Variants in KIAA1217 observed in about 807,000 individuals in gnomAD.
The protein encoded by KIAA1217 is sickle tail protein homolog.
In KIAA1217, 88 loss-of-function variants were observed where a neutral mutation model predicts 163.9. The observed-to-expected ratio is 0.54, with a 90% CI of 0.45 to 0.64. The LOEUF is 0.64. Among genes scored for constraint, KIAA1217 ranks in the 30% least tolerant of loss-of-function variants. The probability of loss-of-function intolerance (pLI) is 0.00; values close to 1 mark genes in which losing one functional copy is unlikely to be tolerated. For synonymous variants in KIAA1217, 903 were observed against 923.1 expected (o/e 0.98, Z 0.39); for missense variants, 2,372 against 2,475.0 (o/e 0.96, Z 0.88).
upstream of KIAA1217, among the ~76,000 whole-genome samples, chr10:24,204,168 G>C (rs2067420439): frequency 6.6e-6 from 1 of 152,156 alleles, no homozygotes; most frequent in Admixed American, 6.5e-5. Context: ...ATTTCATAGG[G>C]AGATTTGAGT....
At chr10:23,973,560 A>T (rs1845410719) in intron 1 of KIAA1217, among the ~76,000 whole-genome samples, 1 of 152,252 alleles carries the variant, frequency 6.6e-6, no homozygotes, top group Non-Finnish European at 1.5e-5. Context: ...ATCATACATT[A>T]GAGAACAAAT....
At chr10:23,984,813 C>T (rs758283494) in intron 1 of KIAA1217, among the ~76,000 whole-genome samples, 7 of 151,530 alleles carry the variant, frequency 4.6e-5, no homozygotes, top group South Asian at 2.1e-4. Flanking sequence ...CTAATGCATG[C>T]GGGGCTTAAA....
intron 2 of KIAA1217, among the ~76,000 whole-genome samples, chr10:24,152,349 G>T (rs754066890): frequency 6.6e-6 from 1 of 152,104 alleles, no homozygotes; most frequent in Non-Finnish European, 1.5e-5. Flanking sequence ...CAGAATGAGC[G>T]CCTGTTTTAT....
chr10:23,905,717 A>G (rs1842134759), intron 1 of KIAA1217, among the ~76,000 whole-genome samples: 1 of 152,104 alleles, frequency 6.6e-6, no homozygotes, highest in Non-Finnish European at 1.5e-5. Context: ...GTTGAGGACT[A>G]TATCATTCAC....
At chr10:24,248,078 T>G (rs2074029122) in intron 2 of KIAA1217, among the ~76,000 whole-genome samples, 1 of 152,194 alleles carries the variant, frequency 6.6e-6, no homozygotes, top group African/African-American at 2.4e-5. Context: ...TGTGCTTTGA[T>G]GTGGTTGTCC....
chr10:24,434,305 C>G (rs2059852196), intron 4 of KIAA1217, among the ~76,000 whole-genome samples: 2 of 152,018 alleles, frequency 1.3e-5, no homozygotes, highest in African/African-American at 2.4e-5. Flanking sequence ...TCCCAAAGTG[C>G]TAGGATTACA....
intron 2 of KIAA1217, among the ~76,000 whole-genome samples, chr10:24,018,114 C>T (rs1242490391): frequency 6.6e-6 from 1 of 151,898 alleles, no homozygotes; most frequent in Non-Finnish European, 1.5e-5. Flanking sequence ...TGGAAGAATG[C>T]ACCTTAAACC....
chr10:24,537,100 A>G (rs2074128449), intron 17 of KIAA1217, among the ~76,000 whole-genome samples: 1 of 152,130 alleles, frequency 6.6e-6, no homozygotes, highest in Non-Finnish European at 1.5e-5. Flanking sequence ...CCCACAGCAT[A>G]CAATAGTATA....
intron 1 of KIAA1217, among the ~76,000 whole-genome samples, chr10:23,727,615 T>C (rs931117028): frequency 1.3e-5 from 2 of 152,158 alleles, no homozygotes; most frequent in African/African-American, 4.8e-5. Flanking sequence ...ATTTTTTTCA[T>C]TTAATATTTT....
chr10:24,357,075 T>C (rs1351391151), intron 2 of KIAA1217, among the ~76,000 whole-genome samples: 1 of 152,122 alleles, frequency 6.6e-6, no homozygotes, highest in African/African-American at 2.4e-5. Flanking sequence ...CATTGAGCCT[T>C]ACCTCTCCCT....
At chr10:23,973,335 A>G (rs78554597) in intron 1 of KIAA1217, among the ~76,000 whole-genome samples, 2,716 of 152,308 alleles carry the variant, frequency 0.018, 85 homozygotes, top group African/African-American at 0.06. Flanking sequence ...TGCATCTATT[A>G]TTGTGTTTGA....
At chr10:24,014,292 GTT>G in intron 2 of KIAA1217, among the ~76,000 whole-genome samples, 1 of 152,246 alleles carries the variant, frequency 6.6e-6, no homozygotes. Context: ...CAAGAAAGAT[GTT>G]TTTACTAGCT....
In KIAA1217 at chr10:24,340,641, A is replaced by T. The variant is rs115539716; in HGVS notation, c.355-40228A>T. Among the ~76,000 whole-genome samples, 1,424 of 152,152 alleles carry T rather than the reference A, an allele frequency of 9.4e-3. 22 individuals are homozygous for T. The highest frequency in any genetic ancestry group is 0.032 in the African/African-American group (1,325 of 41,516). ...CTTCCCTCCCTCCTCTGTAGCATCC[A>T]TCACAGGACTAAAGCCAGACAAGGC... On this transcript the variant is annotated intron_variant, in intron 2 of 20. Transcript: ENST00000376454.
At chr10:23,730,031 A>T (rs1385909713) in intron 1 of KIAA1217, among the ~76,000 whole-genome samples, 1 of 151,996 alleles carries the variant, frequency 6.6e-6, no homozygotes, top group East Asian at 1.9e-4. Context: ...TCTCCCAAGT[A>T]GGTGGGACAA....
chr10:24,386,159 C>T (rs1188244512), intron 3 of KIAA1217, among the ~76,000 whole-genome samples: 2 of 152,148 alleles, frequency 1.3e-5, no homozygotes, highest in East Asian at 1.9e-4. Flanking sequence ...CTGACCAGCC[C>T]GGCAGCCAGA....
chr10:23,995,239 C>T (rs930370724), intron 1 of KIAA1217, among the ~76,000 whole-genome samples: 1 of 152,100 alleles, frequency 6.6e-6, no homozygotes, highest in Non-Finnish European at 1.5e-5. Context: ...AAGACCAAGT[C>T]CCCTGTGCTC....
intron 3 of KIAA1217, among the ~76,000 whole-genome samples, chr10:24,390,518 A>C (rs1204900443): frequency 1.4e-5 from 2 of 147,940 alleles, no homozygotes; most frequent in African/African-American, 2.5e-5. Context: ...GGAAGGAAGG[A>C]AGGAAGGAAG....
intron 2 of KIAA1217, among the ~76,000 whole-genome samples, chr10:24,181,696 G>A (rs2066177828): frequency 6.6e-6 from 1 of 152,212 alleles, no homozygotes; most frequent in Admixed American, 6.5e-5. Context: ...TGATAGTTTT[G>A]TCCAGGTTGG....
chr10:24,514,573 A>G (rs2069738614), intron 10 of KIAA1217, among the ~76,000 whole-genome samples: 1 of 152,218 alleles, frequency 6.6e-6, no homozygotes, highest in Admixed American at 6.5e-5. Flanking sequence ...TAGTTCACAC[A>G]TTTATAGACA....
Sources: allele counts gnomAD v4.1 joint callset (sites outside exome capture counted in the v4.1 genomes callset), GRCh38; gene constraint gnomAD v4.1.1; transcripts MANE v1.5; gene names NCBI Gene and HGNC (gene_info 2026-07-23, HGNC 2026-07-21).